The following GRK3 variants were observed in gnomAD, a reference collection of about 807,000 sequenced individuals.
GRK3 encodes adrenergic, beta, receptor kinase 2.
In GRK3, 54 loss-of-function variants were observed where a neutral mutation model predicts 95.7. The ratio of observed to expected loss-of-function variants is 0.56; its 90% CI spans 0.45 to 0.71. The LOEUF (loss-of-function observed/expected upper bound fraction) is 0.71, where lower values mean the gene tolerates loss of function less well. Ranked by LOEUF, GRK3 falls within the 30% of genes least tolerant of loss-of-function variation. The pLI is 0.00. For synonymous variants in GRK3, 281 were observed against 290.8 expected (o/e 0.97, Z 0.34); for missense variants, 649 against 851.2 (o/e 0.76, Z 2.96).
chr22:25,604,734 G>A (rs1208085238), intron 2 of GRK3, among the ~76,000 whole-genome samples: 13 of 152,136 alleles, frequency 8.5e-5, no homozygotes, highest in Admixed American at 7.2e-4. Context: ...TTTTCTTTGC[G>A]TCTTGCCTGC....
At position 25,627,332 on chromosome 22, in the gene GRK3, G is replaced by A. The variant is rs138234553; in HGVS notation, c.191-17260G>A. On this transcript the variant is annotated intron_variant, in intron 2 of 20. Transcript: ENST00000324198. ...TTAAGTATTGGAATTTCTGAGGCTG[G>A]ATCCCTTAGCCTGGTGGCTGAAGGC... Among the ~76,000 whole-genome samples the A allele has an allele frequency of 8.9e-3, 1,358 of 152,310 alleles. 6 individuals are homozygous for A. Among genetic ancestry groups the A allele is most frequent in the Middle Eastern group, 0.027 (8 of 294 alleles).
At chr22:25,636,301 G>A (rs1006005588) in intron 2 of GRK3, among the ~76,000 whole-genome samples, 7 of 152,272 alleles carry the variant, frequency 4.6e-5, no homozygotes, top group Non-Finnish European at 7.4e-5. Flanking sequence ...ACAGAGCAAG[G>A]AAATGTTTGT....
chr22:25,570,642 T>A (rs1931663396), intron 1 of GRK3, among the ~76,000 whole-genome samples: 1 of 152,224 alleles, frequency 6.6e-6, no homozygotes, highest in African/African-American at 2.4e-5. Context: ...AATGATTAAT[T>A]TGGCAACTTT....
chr22:25,572,129 T>C (rs1184687368), intron 1 of GRK3, among the ~76,000 whole-genome samples: 1 of 152,120 alleles, frequency 6.6e-6, no homozygotes, highest in Non-Finnish European at 1.5e-5. Flanking sequence ...GTTCCTGTGT[T>C]AGTTTGCTCA....
chr22:25,667,739 C>T lies in GRK3; in HGVS notation c.442C>T (p.Pro148Ser). ...GGAATTTCTTTTCCATCTCTTCCAG[C>T]CATACATAGAAGAAATTTGTGAAAG... ...KKQVTSTLFQ[P>S]YIEEICESLR... The change falls in exon 6 of 21, where the codon CCA becomes TCA. Residue 148 changes from proline (P) to serine (S), a missense_variant and splice_region_variant. Pro to Ser is a moderately conservative substitution (Grantham distance 74). Around this residue, in one of 3 missense-constraint regions of GRK3, gnomAD observed 206 missense variants for 231.4 expected, o/e 0.89. Transcript: ENST00000324198. 23 of 1,607,832 alleles carry T rather than the reference C, an allele frequency of 1.4e-5. No individual in the cohort carries two copies. Among genetic ancestry groups the T allele is most frequent in the Non-Finnish European group, 1.8e-5 (21 of 1,175,140 alleles).
chr22:25,659,202 G>A (rs1238243863), intron 3 of GRK3, among the ~76,000 whole-genome samples: 1 of 152,124 alleles, frequency 6.6e-6, no homozygotes, highest in African/African-American at 2.4e-5. Flanking sequence ...AGCCTGGAGA[G>A]GATAGGTCAC....
At chr22:25,612,666 G>A (rs990796916) in intron 2 of GRK3, among the ~76,000 whole-genome samples, 1 of 151,612 alleles carries the variant, frequency 6.6e-6, no homozygotes, top group Non-Finnish European at 1.5e-5. Flanking sequence ...TGTTTTTTAA[G>A]TTGGTCTCAA....
chr22:25,601,270 A>T (rs2084407889), intron 1 of GRK3, among the ~76,000 whole-genome samples: 1 of 152,228 alleles, frequency 6.6e-6, no homozygotes, highest in African/African-American at 2.4e-5. Context: ...AATAAAACAC[A>T]TATCAACAAA....
In GRK3 at chr22:25,573,309, G is replaced by C. The variant is rs78695257; in HGVS notation, c.113+8156G>C. On this transcript the variant is annotated intron_variant, in intron 1 of 20. Transcript: ENST00000324198. ...TCATAATTAATTTAGTAATGGCAAA[G>C]CTAGTAATAAATTCTATTTCAAGTG... Among the ~76,000 whole-genome samples the C allele has an allele frequency of 2.9e-3, 446 of 152,314 alleles. 5 individuals carry two copies. In the Middle Eastern group the frequency reaches 0.031, roughly 10 times the overall value.
Position 25,725,732 on chromosome 22 carries a change from G to A in GRK3, c.*3282G>A, listed in dbSNP as rs2085468307. 1 of 397,598 alleles carries A rather than the reference G, an allele frequency of 2.5e-6. No individual in the cohort carries two copies. The highest frequency in any genetic ancestry group is 4.4e-6 in the Non-Finnish European group (1 of 225,656). The allele number at this position is 397,598 out of a possible 1,614,324, so 24.6% of individuals were successfully genotyped here. ...GAGGCCGAGAGGGGCGGTTCACGAG[G>A]TCAGGAGATTGAGACCATCCTGGTT... is the stretch of plus-strand genomic sequence containing the variant. On this transcript the variant is annotated 3_prime_UTR_variant, in exon 21 of 21. Coordinates refer to ENST00000324198, the MANE Select transcript of GRK3 (RefSeq NM_005160.4).
intron 2 of GRK3, among the ~76,000 whole-genome samples, chr22:25,641,335 C>T (rs111472854): frequency 2.6e-5 from 4 of 152,260 alleles, no homozygotes; most frequent in African/African-American, 7.2e-5. Context: ...TTCCTCCTTT[C>T]CCCCGACTTC....
chr22:25,678,893 T>C lies in GRK3; in HGVS notation c.725T>C (p.Met242Thr), dbSNP rs766547650. The C allele has an allele frequency of 2.5e-6, 4 of 1,602,870 alleles. No homozygotes were observed. The highest frequency in any genetic ancestry group is 1.7e-5 in the Admixed American group (1 of 59,146). ...ACATTAGCCTTAAATGAAAGAATCA[T>C]GTTGTCTCTTGTCAGCACAGGAGTA... ...GETLALNERI[M>T]LSLVSTGDCP... is the part of the protein sequence containing the mutation. The change falls in exon 9 of 21, where the codon ATG becomes ACG. Residue 242 changes from methionine to threonine, a missense_variant. Transcript: ENST00000324198.
intron 2 of GRK3, among the ~76,000 whole-genome samples, chr22:25,608,579 C>T (rs1294533813): frequency 1.3e-5 from 2 of 152,212 alleles, no homozygotes; most frequent in East Asian, 3.8e-4. Context: ...CACACTGTTG[C>T]TAGCTCTGCA....
At position 25,692,615 on chromosome 22, in the gene GRK3, C is replaced by T. The variant is rs1028013172; in HGVS notation, c.1052+2332C>T. ...GGTACCAGCAGCATTCACTGTGTCACTCACTGAATATCCAGCTGTTCCAGG... is the reference window on the plus strand; with the variant it reads ...GGTACCAGCAGCATTCACTGTGTCATTCACTGAATATCCAGCTGTTCCAGG... On this transcript the variant is annotated intron_variant, in intron 12 of 20. Transcript: ENST00000324198. Among the ~76,000 whole-genome samples the T allele has an allele frequency of 2.6e-5, 4 of 152,222 alleles. 1 individual carries two copies. The highest frequency in any genetic ancestry group is 2.0e-4 in the Admixed American group (3 of 15,282).
chr22:25,624,407 C>T (rs2084611419), intron 2 of GRK3, among the ~76,000 whole-genome samples: 1 of 151,940 alleles, frequency 6.6e-6, no homozygotes, highest in African/African-American at 2.4e-5. Context: ...ACTAAAAATA[C>T]AAAAAAATTA....
At chr22:25,687,420 G>T in intron 10 of GRK3, 117 bp from the exon 11 acceptor site, 1 of 1,069,004 alleles carries the variant, frequency 9.4e-7, no homozygotes, top group Non-Finnish European at 1.3e-6. Flanking sequence ...TAGGTATATA[G>T]ACCAAGCAGA....
Position 25,565,055 on chromosome 22 carries a change from G to A in GRK3, c.15G>A (p.Glu5=). 6.6e-7 allele frequency: 1 copy of A among 1,518,236 alleles called. No homozygotes were observed. The highest frequency in any genetic ancestry group is 8.8e-7 in the Non-Finnish European group (1 of 1,135,166). The allele number at this position is 1,518,236 out of a possible 1,614,324, so 94.0% of individuals were successfully genotyped here. ...AGCTCGCCAACATGGCGGACCTGGAGGCTGTGCTGGCCGATGTCAGTTACC... is the reference window on the plus strand; with the variant it reads ...AGCTCGCCAACATGGCGGACCTGGAAGCTGTGCTGGCCGATGTCAGTTACC... The part of the protein sequence containing the change: MADL[E]AVLADVSYLM... Residue 5 remains glutamate, a synonymous_variant, in exon 1 of 21, where the codon GAG becomes GAA. Transcript: ENST00000324198.
chr22:25,611,476 C>T (rs923815989), intron 2 of GRK3, among the ~76,000 whole-genome samples: 2 of 152,208 alleles, frequency 1.3e-5, no homozygotes, highest in African/African-American at 2.4e-5. Flanking sequence ...TATATCCTCA[C>T]CAATACTTGT....
At chr22:25,708,203 C>T (rs1237930751) in intron 15 of GRK3, among the ~76,000 whole-genome samples, 3 of 151,982 alleles carry the variant, frequency 2.0e-5, no homozygotes, top group Admixed American at 6.5e-5. Context: ...GCCGAGATGG[C>T]GCCACTGCAC....
Sources: allele counts gnomAD v4.1 joint callset (sites outside exome capture counted in the v4.1 genomes callset), GRCh38; gene constraint gnomAD v4.1.1; regional missense constraint gnomAD v4.1.1; transcripts MANE v1.5; gene names NCBI Gene and HGNC (gene_info 2026-07-23, HGNC 2026-07-21).